Variants in LPAR5 observed in about 807,000 individuals in gnomAD.
LPAR5 encodes lysophosphatidic acid receptor 5.
For missense variants in LPAR5, 544 were observed against 521.8 expected (o/e 1.04, Z -0.41); for synonymous variants, 271 against 261.6 (o/e 1.04, Z -0.35).
chr12:6,631,534 G>A (rs1948980694), intron 1 of LPAR5: 1 of 152,608 alleles, frequency 6.6e-6, no homozygotes, highest in African/African-American at 2.4e-5. Context: ...TTCTCCCTGG[G>A]TCTCCGTCCT....
intron 1 of LPAR5, among the ~76,000 whole-genome samples, chr12:6,629,562 T>C (rs1267553480): frequency 6.7e-6 from 1 of 149,064 alleles, no homozygotes; most frequent in Non-Finnish European, 1.5e-5. Context: ...TAATCCCAGC[T>C]ACTCGGGAGG....
At position 6,620,970 on chromosome 12, in the gene LPAR5, C is replaced by T. The variant is rs1472464671; in HGVS notation, c.279G>A (p.Leu93=). 5 of 1,613,338 alleles carry T rather than the reference C, an allele frequency of 3.1e-6. No homozygotes were observed. The highest frequency in any genetic ancestry group is 4.2e-6 in the Non-Finnish European group (5 of 1,179,720). Residue 93 remains leucine (L), a synonymous_variant, in exon 2 of 2, where the codon CTG becomes CTA. Transcript: ENST00000329858. The surrounding 1 kb of genome is among the most constrained non-coding windows in gnomAD (Gnocchi z 6.8). ...GGAAGATGGCGCCCGTCGTCTGGCA[C>T]AGGAGGTCGGGGAAGGGCCAGTGGT... The part of the protein sequence containing the change: ...ALHHWPFPDL[L]CQTTGAIFQM...
At chr12:6,626,872 C>G (rs962964924) in intron 1 of LPAR5, among the ~76,000 whole-genome samples, 1 of 152,182 alleles carries the variant, frequency 6.6e-6, no homozygotes, top group Non-Finnish European at 1.5e-5. Context: ...CAGAGCTCTC[C>G]CCATGCATGG....
chr12:6,629,444 G>A (rs1948968006), intron 1 of LPAR5, among the ~76,000 whole-genome samples: 1 of 151,326 alleles, frequency 6.6e-6, no homozygotes, highest in African/African-American at 2.4e-5. Flanking sequence ...GGAGGCCAAG[G>A]TGGGTGCATC....
At position 6,621,409 on chromosome 12, in the gene LPAR5, C is replaced by T. The variant is rs896023264; in HGVS notation, c.-161G>A. 7.9e-6 allele frequency: 5 copies of T among 629,368 alleles called. No homozygotes were observed. Among genetic ancestry groups the T allele is most frequent in the Non-Finnish European group, 1.2e-5 (5 of 413,580 alleles). The allele number at this position is 629,368 out of a possible 1,614,324, so 39.0% of individuals were successfully genotyped here. ...GGAATGTGGGCTATGGCTGCAGGGA[C>T]AGATGGCTGCCAAGGGTTGGGTGCG... On this transcript the variant is annotated 5_prime_UTR_variant, in exon 2 of 2. Coordinates refer to ENST00000329858, the MANE Select transcript of LPAR5 (RefSeq NM_020400.6).
chr12:6,633,412 G>GTT (rs1288830758), intron 1 of LPAR5, among the ~76,000 whole-genome samples: 2 of 145,650 alleles, frequency 1.4e-5, no homozygotes, highest in Non-Finnish European at 1.5e-5. Flanking sequence ...CCTGGGTTTT[G>GTT]TTTTTTTTTT....
chr12:6,632,519 G>A (rs1425932752), intron 1 of LPAR5, among the ~76,000 whole-genome samples: 1 of 152,162 alleles, frequency 6.6e-6, no homozygotes, highest in Non-Finnish European at 1.5e-5. Flanking sequence ...CTGCTTCTGT[G>A]TTCAGGCAGC....
At chr12:6,628,422 C>T (rs1173688065) in intron 1 of LPAR5, among the ~76,000 whole-genome samples, 5 of 151,840 alleles carry the variant, frequency 3.3e-5, no homozygotes, top group Admixed American at 2.0e-4. Context: ...TTTCAAAGAA[C>T]CTCAAGTCTG....
Position 6,618,959 on chromosome 12 carries a change from CAAA to C in LPAR5, c.*1168_*1170del, listed in dbSNP as rs1948861400. 4.6e-5 allele frequency: 7 copies of C among 152,226 alleles called. No homozygotes were observed. Among genetic ancestry groups the C allele is most frequent in the Non-Finnish European group, 8.8e-5 (6 of 68,050 alleles). The allele number at this position is 152,226 out of a possible 1,614,324, so 9.4% of individuals were successfully genotyped here. ...AATACTTCAGGACAAGTATGGTTCT[CAAA>C]GTGTGATCCAGGGACCAACCCTCTG... On this transcript the variant is annotated 3_prime_UTR_variant, in exon 2 of 2. Transcript: ENST00000329858.
intron 1 of LPAR5, among the ~76,000 whole-genome samples, chr12:6,623,213 G>A (rs1324061139): frequency 6.6e-6 from 1 of 151,872 alleles, no homozygotes; most frequent in Non-Finnish European, 1.5e-5. Flanking sequence ...CCTCCAGCCT[G>A]GGTAACAAAA....
chr12:6,629,651 A>C (rs533721465), intron 1 of LPAR5, among the ~76,000 whole-genome samples: 1 of 143,682 alleles, frequency 7.0e-6, no homozygotes, highest in African/African-American at 2.6e-5. Context: ...TCCAGCCTAG[A>C]TGGCAGAGTG....
chr12:6,633,444 G>T (rs530098160), intron 1 of LPAR5, among the ~76,000 whole-genome samples: 2 of 150,990 alleles, frequency 1.3e-5, no homozygotes, highest in South Asian at 4.2e-4. Context: ...AGTCTCGCTT[G>T]CTGTGTTACC....
intron 1 of LPAR5, among the ~76,000 whole-genome samples, chr12:6,632,485 C>T (rs1948985904): frequency 6.6e-6 from 1 of 152,194 alleles, no homozygotes; most frequent in South Asian, 2.1e-4. Context: ...AACCCACTCG[C>T]TGAATTAGCG....
intron 1 of LPAR5, among the ~76,000 whole-genome samples, chr12:6,630,746 C>T (rs182448644): frequency 6.6e-6 from 1 of 152,226 alleles, no homozygotes; most frequent in Non-Finnish European, 1.5e-5. Context: ...GCCACCGCAC[C>T]TGGCCCCAGC....
rs2136238713 is a variant in LPAR5 at position 6,619,343 on chromosome 12, A to G, written c.*787T>C. The G allele has an allele frequency of 1.0e-5, 1 of 99,886 alleles. No individual in the cohort carries two copies. Among genetic ancestry groups the G allele is most frequent in the East Asian group, 2.8e-4 (1 of 3,566 alleles). The allele number at this position is 99,886 out of a possible 1,614,324, so 6.2% of individuals were successfully genotyped here. A position where few individuals can be genotyped will look rare whatever the true frequency, so the allele number is the denominator to read the frequency against. On this transcript the variant is annotated 3_prime_UTR_variant, in exon 2 of 2. Transcript: ENST00000329858. ...ACAAAGGAGAGAGAGGGAGAGAGAG[A>G]GAAGAGGAGAAGAGAGAGGAGAGGA... is the stretch of plus-strand genomic sequence containing the variant.
At chr12:6,625,113 C>T (rs1440167920) in intron 1 of LPAR5, among the ~76,000 whole-genome samples, 1 of 152,140 alleles carries the variant, frequency 6.6e-6, no homozygotes, top group South Asian at 2.1e-4. Context: ...CCCAAGACAC[C>T]GAGCTTATTA....
At position 6,620,280 on chromosome 12, in the gene LPAR5, G is replaced by A. The variant is rs545465908; in HGVS notation, c.969C>T (p.Asn323=). The change falls in exon 2 of 2, where the codon AAC becomes AAT. Residue 323 remains asparagine, a synonymous_variant. Transcript: ENST00000329858. This position sits in a 1 kb window ranked among gnomAD's most constrained non-coding sequence, Gnocchi z 6.8. ...ATTGCGCGAGCGCCGCCCGCGTCCC[G>A]TTGGTGGCCGAGGTCCTGGCCCGGT... ...TPHRARTSAT[N]GTRAALAQSE... The A allele has an allele frequency of 6.2e-7, 1 of 1,606,018 alleles. No homozygotes were observed. The highest frequency in any genetic ancestry group is 1.1e-5 in the South Asian group (1 of 90,478).
At chr12:6,626,395 G>A (rs1008782889) in intron 1 of LPAR5, among the ~76,000 whole-genome samples, 2 of 152,194 alleles carry the variant, frequency 1.3e-5, no homozygotes, top group Admixed American at 1.3e-4. Flanking sequence ...TTACAGGCAT[G>A]AGCCACTGTA....
rs781777945 is a variant in LPAR5, at chr12:6,620,334, G to T, written c.915C>A (p.Arg305=). 1.9e-6 allele frequency: 3 copies of T among 1,610,266 alleles called. No individual in the cohort carries two copies. The highest frequency in any genetic ancestry group is 2.5e-6 in the Non-Finnish European group (3 of 1,178,580). ...LVYYFSAEGF[R]NTLRGLGTPH... ...GAGTGCCCAGGCCGCGCAGGGTGTT[G>T]CGGAAGCCCTCGGCGCTAAAGTAGT... The change falls in exon 2 of 2, where the codon CGC becomes CGA. Residue 305 remains arginine (R), a synonymous_variant. Transcript: ENST00000329858. The surrounding 1 kb of genome is among the most constrained non-coding windows in gnomAD (Gnocchi z 6.8).
Sources: allele counts gnomAD v4.1 joint callset (sites outside exome capture counted in the v4.1 genomes callset), GRCh38; gene constraint gnomAD v4.1.1; non-coding constraint Gnocchi (gnomAD v3.1); transcripts MANE v1.5; gene names NCBI Gene and HGNC (gene_info 2026-07-23, HGNC 2026-07-21).